Variants in OTOP1 observed in about 807,000 individuals in gnomAD.
The protein encoded by OTOP1 is proton channel OTOP1.
OTOP1 carries 59 observed loss-of-function variants against 52.9 expected under a neutral mutation model. The observed-to-expected ratio is 1.12, with a 90% CI of 0.91 to 1.39. The LOEUF is 1.39. Ranked by LOEUF, OTOP1 falls within the 40% of genes most tolerant of loss-of-function variation. The pLI, the probability that OTOP1 is intolerant of heterozygous loss-of-function variation, is 0.00. For synonymous variants in OTOP1, 317 were observed against 337.7 expected, an observed-to-expected ratio of 0.94 and a Z score of 0.67; for missense variants, 761 against 800.9, an observed-to-expected ratio of 0.95 and a Z score of 0.60.
rs188111658 is a variant in OTOP1, at chr4:4,213,731, G to A, written c.404-727C>T. ...TCTATCTGTTGATGGATGCTGGGTC[G>A]CTTCCACCTTTTGGATACTGAAAAT... On this transcript the variant is annotated intron_variant, in intron 1 of 5. Coordinates refer to ENST00000296358, the MANE Select transcript of OTOP1 (RefSeq NM_177998.3). 5.3e-5 allele frequency among the ~76,000 whole-genome samples: 8 copies of A among 152,126 alleles called. No individual in the cohort carries two copies. In the East Asian group the frequency reaches 1.4e-3, roughly 26 times the overall value.
In OTOP1 at chr4:4,197,352, G is replaced by A; in HGVS notation, c.1482C>T (p.Asp494=). ...VARDVAPQGK[D]MPPAANGNVC... is the part of the protein sequence containing the mutation. ...CATTTCCATTGGCTGCTGGTGGCAT[G>A]TCCTTGCCCTGGGGAGCCACATCTC... Residue 494 remains aspartate (D), a synonymous_variant, in exon 5 of 6, where the codon GAC becomes GAT. Transcript: ENST00000296358. 6.2e-7 allele frequency: 1 copy of A among 1,614,050 alleles called. No homozygotes were observed. Among genetic ancestry groups the A allele is most frequent in the Non-Finnish European group, 8.5e-7 (1 of 1,180,028 alleles).
chr4:4,215,919 T>C (rs1181011103), intron 1 of OTOP1, among the ~76,000 whole-genome samples: 1 of 152,030 alleles, frequency 6.6e-6, no homozygotes, highest in Non-Finnish European at 1.5e-5. Flanking sequence ...TCAACCTCAA[T>C]CCCAAGTACC....
chr4:4,226,038 G>C (rs138143068), intron 1 of OTOP1, among the ~76,000 whole-genome samples: 2 of 152,232 alleles, frequency 1.3e-5, no homozygotes, highest in Non-Finnish European at 2.9e-5. Context: ...CGATGGGCGA[G>C]AAAGTTCGCG....
chr4:4,203,940 G>A (rs1422069112), intron 3 of OTOP1, among the ~76,000 whole-genome samples: 1 of 152,166 alleles, frequency 6.6e-6, no homozygotes, highest in Non-Finnish European at 1.5e-5. Context: ...TCTTGAACTT[G>A]CCAGTACTCA....
In OTOP1 at chr4:4,213,022, G is replaced by A. The variant is rs761939597; in HGVS notation, c.404-18C>T. 1.2e-6 allele frequency: 2 copies of A among 1,611,998 alleles called. No individual in the cohort carries two copies. The highest frequency in any genetic ancestry group is 1.7e-6 in the Non-Finnish European group (2 of 1,178,170). ...GATACTACCTAAATGTGGGATGAAG[G>A]GGGAAGTGGAAACACACACATTGCA... On this transcript the variant is annotated intron_variant, in intron 1 of 5. Transcript: ENST00000296358.
chr4:4,221,043 CTATTTTATTT>C (rs144687423), intron 1 of OTOP1, among the ~76,000 whole-genome samples: 29,383 of 129,202 alleles, frequency 0.23, 3,477 homozygotes, highest in East Asian at 0.37. Context: ...TTATTTTATT[CTATTTTATTT>C]TATTTTATTT....
chr4:4,218,990 C>T (rs1313119197), intron 1 of OTOP1, among the ~76,000 whole-genome samples: 2 of 151,484 alleles, frequency 1.3e-5, no homozygotes, highest in Non-Finnish European at 2.9e-5. Context: ...AAAAAATGGC[C>T]ATTAATGGAA....
At chr4:4,199,931 GA>G (rs1443144912) in intron 4 of OTOP1, among the ~76,000 whole-genome samples, 3 of 152,112 alleles carry the variant, frequency 2.0e-5, no homozygotes, top group Non-Finnish European at 4.4e-5. Flanking sequence ...AAGCGTCTCT[GA>G]TATAGTAAAA....
intron 1 of OTOP1, among the ~76,000 whole-genome samples, chr4:4,219,870 CATATATGTATAT>C (rs1411269558): frequency 7.0e-6 from 1 of 142,772 alleles, no homozygotes; most frequent in African/African-American, 2.6e-5. Context: ...TATATGTATA[CATATATGTATAT>C]ATACACATAT....
chr4:4,188,769 G>C lies in OTOP1; in HGVS notation c.*34C>G. 6.4e-7 allele frequency: 1 copy of C among 1,562,990 alleles called. No homozygotes were observed. Among genetic ancestry groups the C allele is most frequent in the East Asian group, 2.3e-5 (1 of 43,382 alleles). On this transcript the variant is annotated 3_prime_UTR_variant, in exon 6 of 6. Coordinates refer to ENST00000296358, the MANE Select transcript of OTOP1 (RefSeq NM_177998.3). ...TCCTAGTTGGCTCCAATGAACTCTT[G>C]TTAGCTCACTCCTAGGTCTCTTGTG...
At position 4,226,888 on chromosome 4, in the gene OTOP1, T is replaced by A; in HGVS notation, c.-24A>T. On this transcript the variant is annotated 5_prime_UTR_variant, in exon 1 of 6. Coordinates refer to ENST00000296358, the MANE Select transcript of OTOP1 (RefSeq NM_177998.3). ...ATCTTCGAGACACCCGCGCCAAGTC[T>A]GGTCCCGGGGGTGGCTGCCGTCGGG... 2 of 1,305,814 alleles carry A rather than the reference T, an allele frequency of 1.5e-6. No individual in the cohort carries two copies. The highest frequency in any genetic ancestry group is 1.9e-6 in the Non-Finnish European group (2 of 1,030,294). The allele number at this position is 1,305,814 out of a possible 1,614,324, so 80.9% of individuals were successfully genotyped here.
chr4:4,209,699 C>T (rs1716983121), intron 2 of OTOP1, among the ~76,000 whole-genome samples: 1 of 152,112 alleles, frequency 6.6e-6, no homozygotes, highest in African/African-American at 2.4e-5. Flanking sequence ...TGATTGTCCC[C>T]ACCTTGCAAG....
chr4:4,223,820 T>C (rs1717358557), intron 1 of OTOP1, among the ~76,000 whole-genome samples: 1 of 151,394 alleles, frequency 6.6e-6, no homozygotes, highest in Non-Finnish European at 1.5e-5. Flanking sequence ...GGAGAATCAC[T>C]TGAACCCAGG....
intron 4 of OTOP1, among the ~76,000 whole-genome samples, chr4:4,201,418 C>T (rs1183992869): frequency 6.6e-6 from 1 of 150,932 alleles, no homozygotes; most frequent in Non-Finnish European, 1.5e-5. Context: ...CAGAGTGAGA[C>T]TCTGTCTCAA....
Position 4,197,239 on chromosome 4 carries a change from C to T in OTOP1, c.1595G>A (p.Arg532His), listed in dbSNP as rs771906145. ...GGSPSPVRLP[R>H]FLQGNAKRKV... ...TCTCTTGGCGTTGCCCTGTAAGAAACGGGGAAGGCGGACTGGGCTTGGGCT... is the reference window on the plus strand; with the variant it reads ...TCTCTTGGCGTTGCCCTGTAAGAAATGGGGAAGGCGGACTGGGCTTGGGCT... The change falls in exon 5 of 6, where the codon CGT becomes CAT. Residue 532 changes from arginine (R) to histidine (H), a missense_variant. This residue lies in a region of OTOP1 where 632 missense variants were observed against 619.5 expected (regional missense o/e 1.02). Coordinates refer to ENST00000296358, the MANE Select transcript of OTOP1 (RefSeq NM_177998.3). 2.3e-5 allele frequency: 37 copies of T among 1,614,006 alleles called. 2 individuals are homozygous for T. In the Middle Eastern group the frequency reaches 3.6e-3, roughly 158 times the overall value.
At chr4:4,214,111 A>G (rs1213372341) in intron 1 of OTOP1, among the ~76,000 whole-genome samples, 2 of 152,160 alleles carry the variant, frequency 1.3e-5, no homozygotes, top group African/African-American at 4.8e-5. Flanking sequence ...TCAATCAACA[A>G]TGACAAAAGC....
rs554857286 is a variant in OTOP1 at position 4,211,053 on chromosome 4, C to A, written c.540+1815G>T. On this transcript the variant is annotated intron_variant, in intron 2 of 5. Coordinates refer to ENST00000296358, the MANE Select transcript of OTOP1 (RefSeq NM_177998.3). ...TCCAAATGAGCCCCTCAGCAAGCTC[C>A]CCAGTGATCCCATCAAGCCACCATG... Among the ~76,000 whole-genome samples the A allele has an allele frequency of 5.9e-5, 9 of 152,232 alleles. No individual in the cohort carries two copies. In the East Asian group the frequency reaches 9.7e-4, roughly 16 times the overall value.
chr4:4,221,768 C>G (rs1191339120), intron 1 of OTOP1, among the ~76,000 whole-genome samples: 1 of 152,096 alleles, frequency 6.6e-6, no homozygotes, highest in Non-Finnish European at 1.5e-5. Context: ...TTTGCTGTGT[C>G]CCACCACACC....
chr4:4,208,558 G>A (rs575727977), intron 2 of OTOP1, among the ~76,000 whole-genome samples: 1 of 152,278 alleles, frequency 6.6e-6, no homozygotes, highest in East Asian at 1.9e-4. Flanking sequence ...CAATTTGTAT[G>A]AGGCATCTAG....
Sources: gnomAD v4.1 joint callset for allele counts (sites outside exome capture counted in the v4.1 genomes callset) on GRCh38, gnomAD v4.1.1 for gene constraint, gnomAD v4.1.1 regional missense constraint, MANE v1.5 for transcripts, NCBI Gene and HGNC (gene_info 2026-07-23, HGNC 2026-07-21) for gene names.